Variants in ARNT2 observed in about 807,000 individuals in gnomAD.
ARNT2 encodes the protein ARNT protein 2.
A neutral mutation model predicts 91.7 loss-of-function variants in ARNT2; 36 were observed. The observed-to-expected ratio is 0.39, with a 90% CI of 0.30 to 0.52. The LOEUF (loss-of-function observed/expected upper bound fraction) is 0.52, where lower values mean the gene tolerates loss of function less well. Among genes scored for constraint, ARNT2 ranks in the 20% least tolerant of loss-of-function variants. ARNT2 has a pLI of 0.72. For synonymous variants in ARNT2, 365 were observed against 347.1 expected, an observed-to-expected ratio of 1.05 and a Z score of -0.57; for missense variants, 775 against 939.3, an observed-to-expected ratio of 0.83 and a Z score of 2.29.
At position 80,506,236 on chromosome 15, in the gene ARNT2, C is replaced by G. The variant is rs151265346; in HGVS notation, c.623-1920C>G. The stretch of plus-strand genomic sequence containing the variant: ...CAGGCGTGAGCCACCGCGCCCGGCC[C>G]CAACATTTGTTAAAAACTATAAAGA... On this transcript the variant is annotated intron_variant, in intron 5 of 18. Coordinates refer to ENST00000303329, the MANE Select transcript of ARNT2 (RefSeq NM_014862.4). Among the ~76,000 whole-genome samples the G allele has an allele frequency of 1.1e-3, 162 of 152,300 alleles. 1 individual carries two copies. Among genetic ancestry groups the G allele is most frequent in the African/African-American group, 3.7e-3 (152 of 41,568 alleles).
chr15:80,472,694 C>G (rs747680493), intron 4 of ARNT2, among the ~76,000 whole-genome samples: 21 of 152,126 alleles, frequency 1.4e-4, no homozygotes, highest in Non-Finnish European at 2.6e-4. Context: ...TCATTTCCAC[C>G]TCTGTAAAAA....
intron 1 of ARNT2, among the ~76,000 whole-genome samples, chr15:80,428,737 C>G (rs1489260347): frequency 6.6e-6 from 1 of 152,234 alleles, no homozygotes; most frequent in Non-Finnish European, 1.5e-5. Flanking sequence ...CAGAGAACCA[C>G]TGTTGGTTAA....
intron 12 of ARNT2, among the ~76,000 whole-genome samples, chr15:80,565,916 A>G (rs1898472403): frequency 6.6e-6 from 1 of 152,090 alleles, no homozygotes; most frequent in Admixed American, 6.5e-5. Context: ...GATGACCTGC[A>G]TTCCAACCCC....
At chr15:80,443,605 T>C (rs1896229986) in intron 1 of ARNT2, among the ~76,000 whole-genome samples, 1 of 151,982 alleles carries the variant, frequency 6.6e-6, no homozygotes, top group South Asian at 2.1e-4. Flanking sequence ...AGGACACATA[T>C]GATAGGAGGC....
At chr15:80,575,189 TA>T (rs1215690386) in intron 14 of ARNT2, 79 bp downstream of exon 14, 1 of 1,558,230 alleles carries the variant, frequency 6.4e-7, no homozygotes, top group East Asian at 2.3e-5. Context: ...CAGCTACTCT[TA>T]GTAAGAGGGG....
chr15:80,581,514 C>G (rs1158170720), intron 17 of ARNT2, 110 bp downstream of exon 17: 6 of 1,423,204 alleles, frequency 4.2e-6, no homozygotes, highest in Non-Finnish European at 5.8e-6. Flanking sequence ...AAAACAAGGT[C>G]TGGAGGTTTC....
intron 3 of ARNT2, among the ~76,000 whole-genome samples, chr15:80,463,939 A>G (rs1048707798): frequency 2.0e-5 from 3 of 152,106 alleles, no homozygotes; most frequent in African/African-American, 4.8e-5. Flanking sequence ...GTTTCTTACC[A>G]TGTTTAGCTA....
chr15:80,476,788 A>G (rs1896809481), intron 5 of ARNT2, among the ~76,000 whole-genome samples: 1 of 152,258 alleles, frequency 6.6e-6, no homozygotes, highest in Admixed American at 6.5e-5. Context: ...GGCTGCTATA[A>G]CAAAATACAA....
rs554570906 is a variant in ARNT2, at chr15:80,565,721, A to G, written c.1316+2482A>G. Among the ~76,000 whole-genome samples the G allele has an allele frequency of 2.0e-5, 3 of 150,976 alleles. No individual in the cohort carries two copies. The South Asian group carries it at 6.3e-4, about 32-fold the overall frequency. ...GTTCATGTCCTTTGCCCACTTTTTAATGGGATTTGTTTTTTTCTCATTGAT... is the reference window on the plus strand; with the variant it reads ...GTTCATGTCCTTTGCCCACTTTTTAGTGGGATTTGTTTTTTTCTCATTGAT... On this transcript the variant is annotated intron_variant, in intron 12 of 18. Coordinates refer to ENST00000303329, the MANE Select transcript of ARNT2 (RefSeq NM_014862.4).
intron 8 of ARNT2, among the ~76,000 whole-genome samples, chr15:80,533,173 A>G (rs1897765639): frequency 6.6e-6 from 1 of 152,212 alleles, no homozygotes; most frequent in Non-Finnish European, 1.5e-5. Context: ...CAAGAGGTAG[A>G]CAGCCAAGGG....
chr15:80,570,673 G>A (rs1898567689), intron 12 of ARNT2, among the ~76,000 whole-genome samples: 1 of 152,120 alleles, frequency 6.6e-6, no homozygotes, highest in Non-Finnish European at 1.5e-5. Flanking sequence ...CTCCCACACC[G>A]ACATTAGGAG....
At chr15:80,528,878 A>G (rs1359510331) in intron 8 of ARNT2, among the ~76,000 whole-genome samples, 1 of 152,190 alleles carries the variant, frequency 6.6e-6, no homozygotes, top group East Asian at 1.9e-4. Flanking sequence ...TTATTCCTTT[A>G]TAGCAAGACA....
intron 1 of ARNT2, among the ~76,000 whole-genome samples, chr15:80,413,820 T>G (rs549459393): frequency 6.6e-6 from 1 of 151,940 alleles, no homozygotes; most frequent in African/African-American, 2.4e-5. Context: ...GCGAGGGAGG[T>G]GGGGCCAAAG....
intron 2 of ARNT2, among the ~76,000 whole-genome samples, chr15:80,456,776 C>T (rs1167611095): frequency 6.6e-6 from 1 of 152,178 alleles, no homozygotes; most frequent in East Asian, 1.9e-4. Context: ...GTCACCCTTA[C>T]TGGGAGGCCA....
intron 8 of ARNT2, among the ~76,000 whole-genome samples, chr15:80,522,492 G>T (rs528494131): frequency 1.8e-4 from 28 of 152,114 alleles, no homozygotes; most frequent in Non-Finnish European, 3.2e-4. Flanking sequence ...GAACATCATG[G>T]CGTGCACTTA....
chr15:80,438,678 G>C (rs1279603119), intron 1 of ARNT2, among the ~76,000 whole-genome samples: 2 of 152,120 alleles, frequency 1.3e-5, no homozygotes, highest in African/African-American at 4.8e-5. Context: ...AAAGTAGCAA[G>C]CAAATGTTTT....
intron 1 of ARNT2, among the ~76,000 whole-genome samples, chr15:80,448,220 G>A (rs953997747): frequency 6.6e-6 from 1 of 152,204 alleles, no homozygotes; most frequent in Non-Finnish European, 1.5e-5. Flanking sequence ...AGGTGTTTGA[G>A]TTGTGATTTG....
chr15:80,423,630 A>C (rs1307091968), intron 1 of ARNT2, among the ~76,000 whole-genome samples: 1 of 152,162 alleles, frequency 6.6e-6, no homozygotes, highest in East Asian at 1.9e-4. Flanking sequence ...TTGATTTGCT[A>C]AGATCCATAT....
rs2141492683 is a variant in ARNT2, at chr15:80,595,815, C to T, written c.*2117C>T. ...CCAGAATGGGCCTTTCTCTGCCTGC[C>T]CTGCCCTTGGGGCCACCTCTGCCTC... is the stretch of plus-strand genomic sequence containing the variant. On this transcript the variant is annotated 3_prime_UTR_variant, in exon 19 of 19. Coordinates refer to ENST00000303329, the MANE Select transcript of ARNT2 (RefSeq NM_014862.4). The T allele has an allele frequency of 6.6e-6, 1 of 152,336 alleles. No homozygotes were observed. Among genetic ancestry groups the T allele is most frequent in the Non-Finnish European group, 1.5e-5 (1 of 68,048 alleles). 9.4% of individuals were successfully genotyped at this position (152,336 alleles called of 1,614,324 possible). A position where few individuals can be genotyped will look rare whatever the true frequency, so the allele number is the denominator to read the frequency against.
Sources: gnomAD v4.1 joint callset for allele counts (sites outside exome capture counted in the v4.1 genomes callset) on GRCh38, gnomAD v4.1.1 for gene constraint, MANE v1.5 for transcripts, NCBI Gene and HGNC (gene_info 2026-07-23, HGNC 2026-07-21) for gene names.